Variants in CASK observed in about 807,000 individuals in gnomAD.
CASK encodes the protein peripheral plasma membrane protein CASK.
A neutral mutation model predicts 82.9 loss-of-function variants in CASK; 4 were observed. The ratio of observed to expected loss-of-function variants is 0.05; its 90% CI spans 0.02 to 0.11. CASK has a LOEUF of 0.11. Among genes scored for constraint, CASK ranks in the 10% least tolerant of loss-of-function variants. The probability of loss-of-function intolerance (pLI) is 1.00; values close to 1 mark genes in which losing one functional copy is unlikely to be tolerated. For missense variants in CASK, 358 were observed against 720.9 expected (o/e 0.50, Z 5.76); for synonymous variants, 259 against 253.5 (o/e 1.02, Z -0.20).
intron 2 of CASK, among the ~76,000 whole-genome samples, chrX:41,850,611 G>A (rs1397355026): frequency 8.9e-6 from 1 of 111,956 alleles, no homozygotes; most frequent in Admixed American, 9.4e-5. Context: ...GATATTATTT[G>A]AACTTATGGA....
At chrX:41,653,702 A>C (rs2066895766) in intron 8 of CASK, among the ~76,000 whole-genome samples, 1 of 112,634 alleles carries the variant, frequency 8.9e-6, no homozygotes, top group Non-Finnish European at 1.9e-5. Context: ...GTACAGTGTG[A>C]AGAAATTGTC....
chrX:41,543,373 T>C (rs2064974693), intron 21 of CASK, among the ~76,000 whole-genome samples: 1 of 111,842 alleles, frequency 8.9e-6, no homozygotes, highest in African/African-American at 3.2e-5. Flanking sequence ...TTTAAACTTT[T>C]GGAGCCTTTT....
intron 2 of CASK, among the ~76,000 whole-genome samples, chrX:41,838,539 TGA>T (rs1434129762): frequency 1.8e-5 from 2 of 111,539 alleles, no homozygotes; most frequent in Non-Finnish European, 3.8e-5. Flanking sequence ...GTGGATCACC[TGA>T]GGTCAGGAGT....
chrX:41,644,822 G>T (rs762704640), intron 8 of CASK, among the ~76,000 whole-genome samples: 18 of 111,877 alleles, frequency 1.6e-4, no homozygotes, highest in Admixed American at 1.2e-3. Context: ...AGGTAAGATA[G>T]ACTCTAGTCT....
chrX:41,651,157 T>C lies in CASK; in HGVS notation c.831+9282A>G, dbSNP rs565750207. ...AAATATGCTATTAGCCAAGATAAGC[T>C]TTGAAAGCACTGTAAGTAGGTATGG... On this transcript the variant is annotated intron_variant, in intron 8 of 26. Transcript: ENST00000378163. Among the ~76,000 whole-genome samples the C allele has an allele frequency of 1.2e-4, 13 of 112,240 alleles. No homozygotes were observed. The South Asian group carries it at 4.8e-3, about 41-fold the overall frequency.
intron 5 of CASK, among the ~76,000 whole-genome samples, chrX:41,682,216 T>G (rs1042734745): frequency 9.1e-6 from 1 of 110,137 alleles, no homozygotes; most frequent in African/African-American, 3.3e-5. Context: ...CTATAGATTC[T>G]AACATAATTT....
At chrX:41,619,145 T>C (rs1161488485) in intron 11 of CASK, among the ~76,000 whole-genome samples, 2 of 111,446 alleles carry the variant, frequency 1.8e-5, no homozygotes, top group Non-Finnish European at 3.8e-5. Context: ...TTAATCTCAA[T>C]TTGATTTACC....
chrX:41,648,423 C>G (rs1172017166), intron 8 of CASK, among the ~76,000 whole-genome samples: 1 of 111,373 alleles, frequency 9.0e-6, no homozygotes, highest in African/African-American at 3.3e-5. Context: ...CTCCACTTGC[C>G]TTGTAATATT....
intron 3 of CASK, among the ~76,000 whole-genome samples, chrX:41,764,079 A>G (rs897591392): frequency 9.8e-5 from 11 of 112,132 alleles, no homozygotes; most frequent in African/African-American, 3.6e-4. Context: ...ACATCTCAGA[A>G]ATGAGGCCGA....
chrX:41,531,770 T>C (rs2064807037), intron 24 of CASK, among the ~76,000 whole-genome samples: 1 of 111,654 alleles, frequency 9.0e-6, no homozygotes, highest in Non-Finnish European at 1.9e-5. Flanking sequence ...AAAGTGATGT[T>C]CTATAACATC....
intron 5 of CASK, among the ~76,000 whole-genome samples, chrX:41,734,709 G>A (rs2068469281): frequency 9.0e-6 from 1 of 111,147 alleles, no homozygotes; most frequent in Non-Finnish European, 1.9e-5. Flanking sequence ...ATTTTTGGTT[G>A]TCACAACTAG....
intron 5 of CASK, among the ~76,000 whole-genome samples, chrX:41,736,938 T>C (rs2147711723): frequency 8.9e-6 from 1 of 112,236 alleles, no homozygotes; most frequent in South Asian, 3.7e-4. Flanking sequence ...TTTCTAAAGG[T>C]GGCCACGAAC....
chrX:41,785,340 TTTTGAAGGCTGTGTCTCTATGACACAA>T (rs1254812867), intron 3 of CASK, among the ~76,000 whole-genome samples: 1 of 111,971 alleles, frequency 8.9e-6, no homozygotes, highest in Non-Finnish European at 1.9e-5. Flanking sequence ...CCAGAAAAGA[TTTTGAAGGCTGTGTCTCTATGACACAA>T]TTTTCAGGCT....
chrX:41,593,373 C>T (rs1004720323), intron 12 of CASK, among the ~76,000 whole-genome samples: 1 of 111,226 alleles, frequency 9.0e-6, no homozygotes, highest in Admixed American at 9.6e-5. Flanking sequence ...AGAAGTGACC[C>T]TTTGTTGGTT....
chrX:41,882,774 T>C (rs938393664), intron 1 of CASK, among the ~76,000 whole-genome samples: 3 of 111,424 alleles, frequency 2.7e-5, no homozygotes, highest in Non-Finnish European at 5.7e-5. Flanking sequence ...GAGATCACAC[T>C]GTCCATTTTT....
At chrX:41,805,254 T>C (rs187844058) in intron 2 of CASK, among the ~76,000 whole-genome samples, 24 of 111,970 alleles carry the variant, frequency 2.1e-4, no homozygotes, top group African/African-American at 6.2e-4. Context: ...TTAGTGAACC[T>C]GGAATCAATT....
Position 41,515,381 on chromosome X carries a change from ATCTC to A in CASK, c.*5035_*5038del, listed in dbSNP as rs1301933834. On this transcript the variant is annotated 3_prime_UTR_variant, in exon 27 of 27. Coordinates refer to ENST00000378163, the MANE Select transcript of CASK (RefSeq NM_001367721.1). ...GGTGAAATATACAACAACCATTAAC[ATCTC>A]TCTCTTTTTATCACTGAGACAATAC... 8.9e-6 allele frequency: 1 copy of A among 112,330 alleles called. No homozygotes were observed. Among genetic ancestry groups the A allele is most frequent in the African/African-American group, 3.2e-5 (1 of 30,898 alleles). 9.3% of individuals were successfully genotyped at this position (112,330 alleles called of 1,213,427 possible). A position where few individuals can be genotyped will look rare whatever the true frequency, so the allele number is the denominator to read the frequency against.
At chrX:41,770,595 G>T (rs1361099415) in intron 3 of CASK, among the ~76,000 whole-genome samples, 3 of 110,341 alleles carry the variant, frequency 2.7e-5, no homozygotes, top group African/African-American at 9.9e-5. Flanking sequence ...CACCATGTTG[G>T]CCAGGCTGGT....
chrX:41,795,142 T>C (rs1187679958), intron 2 of CASK, among the ~76,000 whole-genome samples: 1 of 112,486 alleles, frequency 8.9e-6, no homozygotes, highest in Non-Finnish European at 1.9e-5. Flanking sequence ...AGCTACAGAA[T>C]CCTTTTGTCA....
Sources: allele counts gnomAD v4.1 joint callset (sites outside exome capture counted in the v4.1 genomes callset), GRCh38; gene constraint gnomAD v4.1.1; transcripts MANE v1.5; gene names NCBI Gene and HGNC (gene_info 2026-07-23, HGNC 2026-07-21).